Variants in PXYLP1 observed in about 807,000 individuals in gnomAD.
PXYLP1 encodes 2-phosphoxylose phosphatase 1, also known as acid phosphatase-like 2.
In PXYLP1, 17 loss-of-function variants were observed where a neutral mutation model predicts 37.9. The observed-to-expected ratio is 0.45, with a 90% CI of 0.31 to 0.67. PXYLP1 has a LOEUF of 0.67. PXYLP1 is among the 30% of genes least tolerant of loss of function. The probability of loss-of-function intolerance (pLI) is 0.07; values close to 1 mark genes in which losing one functional copy is unlikely to be tolerated. For missense variants in PXYLP1, 511 were observed against 612.0 expected, an observed-to-expected ratio of 0.84 and a Z score of 1.74; for synonymous variants, 221 against 232.2, an observed-to-expected ratio of 0.95 and a Z score of 0.44.
chr3:141,282,483 AACACACAC>A (rs3069374), intron 4 of PXYLP1, among the ~76,000 whole-genome samples: 29 of 147,646 alleles, frequency 2.0e-4, no homozygotes, highest in African/African-American at 6.7e-4. Flanking sequence ...AACCCAGACA[AACACACAC>A]ACACACACAC....
intron 2 of PXYLP1, among the ~76,000 whole-genome samples, chr3:141,277,761 C>T (rs988585092): frequency 6.6e-5 from 10 of 152,176 alleles, no homozygotes; most frequent in African/African-American, 2.4e-4. Context: ...CATGCCACGC[C>T]GAAGACAGTG....
rs572573820 is a variant in PXYLP1 at position 141,286,105 on chromosome 3, T to C, written c.366-1209T>C. On this transcript the variant is annotated intron_variant, in intron 4 of 5. Coordinates refer to ENST00000286353, the MANE Select transcript of PXYLP1 (RefSeq NM_001037172.3). ...TTGCTTCTTTTCATGCTGATTCTTA[T>C]AGAGTTTAGGCATGAACTACTCTAT... Among the ~76,000 whole-genome samples, 351 of 152,320 alleles carry C rather than the reference T, an allele frequency of 2.3e-3. 1 individual carries two copies. The highest frequency in any genetic ancestry group is 8.1e-3 in the African/African-American group (336 of 41,566).
intron 3 of PXYLP1, among the ~76,000 whole-genome samples, chr3:141,278,901 C>T (rs749830581): frequency 9.2e-5 from 14 of 152,194 alleles, no homozygotes; most frequent in Admixed American, 2.0e-4. Flanking sequence ...GTCCTGCTGG[C>T]GTCTTGCCAT....
chr3:141,277,012 C>T (rs1451369774), intron 2 of PXYLP1, among the ~76,000 whole-genome samples: 5 of 152,076 alleles, frequency 3.3e-5, no homozygotes, highest in Admixed American at 6.5e-5. Context: ...TATTTTTCTG[C>T]GATTAGCCTG....
intron 1 of PXYLP1, among the ~76,000 whole-genome samples, chr3:141,240,235 G>A (rs1232182194): frequency 6.6e-6 from 1 of 152,200 alleles, no homozygotes; most frequent in Non-Finnish European, 1.5e-5. Context: ...GTTGCCCCCA[G>A]TTAAACGGGC....
Position 141,248,544 on chromosome 3 carries a change from CGT to C in PXYLP1, c.-53-11578_-53-11577del, listed in dbSNP as rs1491139011. ...ACACACACGTATATATATACACACA[CGT>C]ATATATACACACGTGTATATATATA... is the stretch of plus-strand genomic sequence containing the variant. On this transcript the variant is annotated intron_variant, in intron 1 of 5. Transcript: ENST00000286353. Among the ~76,000 whole-genome samples, 6 of 145,806 alleles carry C rather than the reference CGT, an allele frequency of 4.1e-5. 1 individual carries two copies. The highest frequency in any genetic ancestry group is 9.0e-5 in the Non-Finnish European group (6 of 66,482).
chr3:141,252,747 C>G (rs924787072), intron 1 of PXYLP1, among the ~76,000 whole-genome samples: 1 of 152,222 alleles, frequency 6.6e-6, no homozygotes, highest in African/African-American at 2.4e-5. Flanking sequence ...TGTTACCACT[C>G]TATATCACAT....
chr3:141,262,428 C>T, intron 2 of PXYLP1: 1 of 820,964 alleles, frequency 1.2e-6, no homozygotes, highest in Non-Finnish European at 1.6e-6. Flanking sequence ...TACAGTCAAC[C>T]CTGATTTTAT....
At chr3:141,264,448 T>TA (rs150823450) in intron 2 of PXYLP1, among the ~76,000 whole-genome samples, 4,279 of 152,302 alleles carry the variant, frequency 0.028, 185 homozygotes, top group African/African-American at 0.09. Flanking sequence ...CTTTAAACTC[T>TA]AGGTTTTATG....
At chr3:141,252,525 C>G (rs1941164207) in intron 1 of PXYLP1, among the ~76,000 whole-genome samples, 1 of 152,138 alleles carries the variant, frequency 6.6e-6, no homozygotes, top group African/African-American at 2.4e-5. Flanking sequence ...ATAACCAGCT[C>G]TCACGTCAAC....
chr3:141,260,815 T>C (rs896506940), intron 2 of PXYLP1, among the ~76,000 whole-genome samples: 2 of 152,244 alleles, frequency 1.3e-5, no homozygotes, highest in African/African-American at 4.8e-5. Flanking sequence ...CCCAAATCTG[T>C]GCACACTACA....
chr3:141,287,542 T>C, intron 5 of PXYLP1, 89 bp downstream of exon 5: 1 of 1,501,990 alleles, frequency 6.7e-7, no homozygotes. Context: ...CGGGGTGCTG[T>C]GCAGCTCAGA....
At chr3:141,282,787 G>T (rs1322018602) in intron 4 of PXYLP1, among the ~76,000 whole-genome samples, 2 of 152,202 alleles carry the variant, frequency 1.3e-5, no homozygotes, top group East Asian at 1.9e-4. Flanking sequence ...TTGGACAGGG[G>T]TATGAAAGGC....
At chr3:141,273,805 C>T in intron 2 of PXYLP1, 1 of 985,290 alleles carries the variant, frequency 1.0e-6, no homozygotes, top group Non-Finnish European at 1.2e-6. Flanking sequence ...ACTTGGTAAT[C>T]ACACCACAGA....
intron 1 of PXYLP1, among the ~76,000 whole-genome samples, chr3:141,240,151 T>C (rs377059516): frequency 2.6e-5 from 4 of 152,348 alleles, no homozygotes; most frequent in South Asian, 4.1e-4. Flanking sequence ...TCTTGGCCTT[T>C]CCTTCATGAT....
chr3:141,292,404 G>T lies in PXYLP1; in HGVS notation c.642G>T (p.Gly214=). The T allele has an allele frequency of 1.2e-6, 2 of 1,614,198 alleles. No individual in the cohort carries two copies. Among genetic ancestry groups the T allele is most frequent in the Non-Finnish European group, 1.7e-6 (2 of 1,180,046 alleles). The change falls in exon 6 of 6, where the codon GGG becomes GGT. Residue 214 remains glycine (G), a synonymous_variant. Transcript: ENST00000286353. This position sits in a 1 kb window ranked among gnomAD's most constrained non-coding sequence, Gnocchi z 4.3. ...GGAAAAGCCGGACCCTACAAAGTGG[G>T]CTGGCCTTGCTTTATGGCTTTCTCC... is the stretch of plus-strand genomic sequence containing the variant. The part of the protein sequence containing the change: ...TTGKSRTLQS[G]LALLYGFLPD...
chr3:141,287,203 C>A, intron 4 of PXYLP1, 111 bp from the exon 5 acceptor site: 1 of 1,119,346 alleles, frequency 8.9e-7, no homozygotes, highest in Admixed American at 2.1e-5. Context: ...GTACCTGTTA[C>A]TGTGGGTGCA....
rs1273556934 is a variant in PXYLP1, at chr3:141,268,194, AGAGAGAGAGAGAGTGTGTGT to A, written c.79+7942_79+7961del. 3.2e-3 allele frequency among the ~76,000 whole-genome samples: 378 copies of A among 119,124 alleles called. 2 individuals are homozygous for A. The highest frequency in any genetic ancestry group is 0.029 in the South Asian group (105 of 3,668). 78.1% of individuals were successfully genotyped at this position (119,124 alleles called of 152,430 possible). A position where few individuals can be genotyped will look rare whatever the true frequency, so the allele number is the denominator to read the frequency against. On this transcript the variant is annotated intron_variant, in intron 2 of 5. Transcript: ENST00000286353. ...GAGAGAGAGAGAGAGAGAGAGAGAG[AGAGAGAGAGAGAGTGTGTGT>A]GTGTGTGTGTGTGTGTGTGTGTGTG...
chr3:141,232,399 C>T (rs1416275430), intron 1 of PXYLP1: 1 of 152,330 alleles, frequency 6.6e-6, no homozygotes, highest in Non-Finnish European at 1.5e-5. Context: ...TCCCGGGATC[C>T]CCCTTCCCGG....
Sources: gnomAD v4.1 joint callset for allele counts (sites outside exome capture counted in the v4.1 genomes callset) on GRCh38, gnomAD v4.1.1 for gene constraint, Gnocchi (gnomAD v3.1) non-coding constraint, MANE v1.5 for transcripts, NCBI Gene and HGNC (gene_info 2026-07-23, HGNC 2026-07-21) for gene names.